SPOCK1: variants seen among roughly 807,000 people sequenced by gnomAD.
SPOCK1 encodes the protein SPARC (osteonectin), cwcv and kazal like domains proteoglycan 1, also known as testican-1.
In SPOCK1, 23 loss-of-function variants were observed where a neutral mutation model predicts 55.3. The ratio of observed to expected loss-of-function variants is 0.42; its 90% confidence interval spans 0.30 to 0.59. The LOEUF (loss-of-function observed/expected upper bound fraction) is 0.59. Ranked by LOEUF, SPOCK1 falls within the 20% of genes least tolerant of loss-of-function variation. SPOCK1 has a pLI of 0.22. For synonymous variants in SPOCK1, 226 were observed against 221.0 expected, an observed-to-expected ratio of 1.02 and a Z score of -0.20; for missense variants, 499 against 552.5, an observed-to-expected ratio of 0.90 and a Z score of 0.97.
intron 3 of SPOCK1, among the ~76,000 whole-genome samples, chr5:137,170,489 C>T (rs1754733617): frequency 6.6e-6 from 1 of 152,042 alleles, no homozygotes; most frequent in African/African-American, 2.4e-5. Context: ...GAGATGGGGA[C>T]TTTGGGCTAT....
chr5:137,038,753 C>G (rs1190849616), intron 6 of SPOCK1, among the ~76,000 whole-genome samples: 1 of 152,054 alleles, frequency 6.6e-6, no homozygotes, highest in African/African-American at 2.4e-5. Context: ...ACTTGGTTTT[C>G]TAAGCAATTA....
chr5:137,410,710 G>T (rs1020354643), intron 2 of SPOCK1, among the ~76,000 whole-genome samples: 1 of 152,228 alleles, frequency 6.6e-6, no homozygotes, highest in Non-Finnish European at 1.5e-5. Context: ...ACACCTGTGA[G>T]CATGAGCTCG....
At chr5:137,494,464 C>T (rs534134667) in intron 2 of SPOCK1, among the ~76,000 whole-genome samples, 135 of 152,154 alleles carry the variant, frequency 8.9e-4, no homozygotes, top group Non-Finnish European at 9.7e-4. Context: ...AAGACTTAAC[C>T]TCCCAGGGTT....
chr5:137,428,426 G>A lies in SPOCK1; in HGVS notation c.186+69947C>T, dbSNP rs545516565. Among the ~76,000 whole-genome samples the A allele has an allele frequency of 2.6e-5, 4 of 152,252 alleles. No individual in the cohort carries two copies. The South Asian group carries it at 8.3e-4, about 32-fold the overall frequency. On this transcript the variant is annotated intron_variant, in intron 2 of 10. Coordinates refer to ENST00000394945, the MANE Select transcript of SPOCK1 (RefSeq NM_004598.4). ...AGGCGAGATGGCCATGGGAGAGCCA[G>A]TCCCCAACCTGTCCTTCAAGGCAAC...
At chr5:137,156,575 T>C (rs1364907322) in intron 3 of SPOCK1, among the ~76,000 whole-genome samples, 1 of 152,166 alleles carries the variant, frequency 6.6e-6, no homozygotes, top group Admixed American at 6.5e-5. Flanking sequence ...GAGCACCTAC[T>C]ACTACATCAT....
chr5:137,038,507 G>A (rs1351790597), intron 6 of SPOCK1, among the ~76,000 whole-genome samples: 1 of 152,188 alleles, frequency 6.6e-6, no homozygotes, highest in African/African-American at 2.4e-5. Flanking sequence ...GGAATGGAGG[G>A]ATTTAAGAGA....
At chr5:137,008,708 TACA>T (rs1409321464) in intron 6 of SPOCK1, among the ~76,000 whole-genome samples, 3 of 152,136 alleles carry the variant, frequency 2.0e-5, no homozygotes, top group African/African-American at 7.2e-5. Context: ...AGATGCAAAG[TACA>T]ACAAGTTTAC....
rs567623647 is a variant in SPOCK1 at position 137,188,650 on chromosome 5, T to C, written c.233-47956A>G. Among the ~76,000 whole-genome samples, 248 of 132,724 alleles carry C rather than the reference T, an allele frequency of 1.9e-3. 1 individual carries two copies. The highest frequency in any genetic ancestry group is 3.1e-3 in the Non-Finnish European group (180 of 58,982). The allele number at this position is 132,724 out of a possible 152,430, so 87.1% of individuals were successfully genotyped here. A position where few individuals can be genotyped will look rare whatever the true frequency, so the allele number is the denominator to read the frequency against. Reference sequence around the variant, plus strand: ...CTCCCTATTCTCTAAGATAAAACAATATTGAAATTCGGCCAATTAATAACA... The same window carrying C: ...CTCCCTATTCTCTAAGATAAAACAACATTGAAATTCGGCCAATTAATAACA... On this transcript the variant is annotated intron_variant, in intron 3 of 10. Transcript: ENST00000394945.
At chr5:137,259,181 C>T (rs1389149168) in intron 3 of SPOCK1, among the ~76,000 whole-genome samples, 3 of 152,158 alleles carry the variant, frequency 2.0e-5, no homozygotes, top group Non-Finnish European at 4.4e-5. Context: ...TATAAAGACA[C>T]ATGCAAACAT....
chr5:137,374,581 C>G (rs1040688340), intron 2 of SPOCK1, among the ~76,000 whole-genome samples: 2 of 152,106 alleles, frequency 1.3e-5, no homozygotes, highest in African/African-American at 4.8e-5. Context: ...GGCTGTGATT[C>G]TGCTACTGCC....
chr5:137,462,342 T>C (rs1232075081), intron 2 of SPOCK1, among the ~76,000 whole-genome samples: 1 of 152,152 alleles, frequency 6.6e-6, no homozygotes, highest in Non-Finnish European at 1.5e-5. Flanking sequence ...GGAGCTTCCA[T>C]CCATTCAGGC....
chr5:137,265,470 G>A (rs893824500), intron 3 of SPOCK1, among the ~76,000 whole-genome samples: 1 of 152,184 alleles, frequency 6.6e-6, no homozygotes, highest in African/African-American at 2.4e-5. Context: ...TTGTTTATCA[G>A]GCACAGACAG....
intron 4 of SPOCK1, among the ~76,000 whole-genome samples, chr5:137,133,295 A>G (rs991123459): frequency 6.6e-6 from 1 of 151,232 alleles, no homozygotes; most frequent in African/African-American, 2.4e-5. Context: ...GCTCAAACCC[A>G]GGAGGCGGAG....
chr5:137,173,352 T>C, intron 3 of SPOCK1, among the ~76,000 whole-genome samples: 1 of 152,262 alleles, frequency 6.6e-6, no homozygotes, highest in East Asian at 1.9e-4. Flanking sequence ...CCCCTGGTAG[T>C]TCTGTGAACC....
intron 3 of SPOCK1, among the ~76,000 whole-genome samples, chr5:137,169,295 C>CA (rs1291182575): frequency 1.3e-5 from 2 of 151,874 alleles, no homozygotes; most frequent in South Asian, 2.1e-4. Context: ...TGACTATTGT[C>CA]AAAAAAATTA....
chr5:137,364,253 T>C (rs1751010367), intron 2 of SPOCK1, among the ~76,000 whole-genome samples: 6 of 152,192 alleles, frequency 3.9e-5, no homozygotes, highest in Admixed American at 3.9e-4. Flanking sequence ...AAGCACCATC[T>C]GCCCACCTGT....
chr5:136,990,813 G>T (rs780785537), intron 7 of SPOCK1, among the ~76,000 whole-genome samples: 25 of 152,154 alleles, frequency 1.6e-4, no homozygotes, highest in Non-Finnish European at 3.5e-4. Flanking sequence ...TGCCAATCTG[G>T]TTGGGCAGTA....
chr5:137,227,957 A>G (rs1755977252), intron 3 of SPOCK1, among the ~76,000 whole-genome samples: 1 of 152,272 alleles, frequency 6.6e-6, no homozygotes, highest in Admixed American at 6.5e-5. Context: ...TATCCAATGC[A>G]GAAAAAGTAT....
At chr5:137,492,850 A>T (rs1754217489) in intron 2 of SPOCK1, among the ~76,000 whole-genome samples, 1 of 152,128 alleles carries the variant, frequency 6.6e-6, no homozygotes, top group Non-Finnish European at 1.5e-5. Context: ...CTTCATGGTG[A>T]GTTCATTTCT....
Sources: allele counts gnomAD v4.1 joint callset (sites outside exome capture counted in the v4.1 genomes callset), GRCh38; gene constraint gnomAD v4.1.1; transcripts MANE v1.5; gene names NCBI Gene and HGNC (gene_info 2026-07-23, HGNC 2026-07-21).